MAPKAPK5: variants seen among roughly 807,000 people sequenced by gnomAD.
MAPKAPK5 encodes MAP kinase-activated protein kinase 5.
Under a neutral mutation model 65.1 loss-of-function variants are expected in MAPKAPK5, and 30 were observed. The observed-to-expected ratio is 0.46, with a 90% confidence interval of 0.34 to 0.63. The LOEUF (loss-of-function observed/expected upper bound fraction) is 0.63, where lower values mean the gene tolerates loss of function less well. Ranked by LOEUF, MAPKAPK5 falls within the 20% of genes least tolerant of loss-of-function variation. The pLI, the probability that MAPKAPK5 is intolerant of heterozygous loss-of-function variation, is 0.01. For synonymous variants in MAPKAPK5, 179 were observed against 204.6 expected, an observed-to-expected ratio of 0.87 and a Z score of 1.07; for missense variants, 433 against 581.4, an observed-to-expected ratio of 0.74 and a Z score of 2.63.
chr12:111,867,393 G>C (rs1315650305), intron 3 of MAPKAPK5, among the ~76,000 whole-genome samples, 179 bp from the exon 4 acceptor site: 2 of 152,184 alleles, frequency 1.3e-5, no homozygotes, highest in Non-Finnish European at 2.9e-5. Flanking sequence ...AAATCTGTTG[G>C]TGAGTTTTTA....
At chr12:111,855,454 A>G (rs1349249085) in intron 1 of MAPKAPK5, among the ~76,000 whole-genome samples, 1 of 151,978 alleles carries the variant, frequency 6.6e-6, no homozygotes, top group Non-Finnish European at 1.5e-5. Flanking sequence ...TTTTTGGCAA[A>G]TTGTGTTTGC....
In MAPKAPK5 at chr12:111,888,872, C is replaced by T. The variant is rs559408424; in HGVS notation, c.1101-13C>T. Reference sequence around the variant, plus strand: ...TCTCACGTTGTCATTACCCCTCCCTCAAACTCTTAAAGCACCAAGCCAAAG... The same window carrying T: ...TCTCACGTTGTCATTACCCCTCCCTTAAACTCTTAAAGCACCAAGCCAAAG... On this transcript the variant is annotated splice_polypyrimidine_tract_variant and intron_variant, in intron 11 of 13. Transcript: ENST00000550735. The T allele has an allele frequency of 6.2e-7, 1 of 1,612,882 alleles. No individual in the cohort carries two copies. The highest frequency in any genetic ancestry group is 8.5e-7 in the Non-Finnish European group (1 of 1,179,078).
intron 1 of MAPKAPK5, among the ~76,000 whole-genome samples, chr12:111,847,680 C>T (rs1018498179): frequency 6.6e-6 from 1 of 152,126 alleles, no homozygotes; most frequent in Non-Finnish European, 1.5e-5. Flanking sequence ...TGTAAATGTT[C>T]AGTAATTTTT....
chr12:111,854,135 A>G (rs1316714885), intron 1 of MAPKAPK5, among the ~76,000 whole-genome samples: 2 of 152,096 alleles, frequency 1.3e-5, no homozygotes, highest in African/African-American at 2.4e-5. Context: ...GAGTTTTGGT[A>G]TGAATGTAAT....
chr12:111,892,553 T>A (rs1027726780), intron 13 of MAPKAPK5, among the ~76,000 whole-genome samples: 2 of 152,244 alleles, frequency 1.3e-5, no homozygotes, highest in Non-Finnish European at 1.5e-5. Context: ...CGTACTGATA[T>A]ACATTTTAAA....
chr12:111,870,086 G>T (rs992881908), intron 5 of MAPKAPK5, among the ~76,000 whole-genome samples, 185 bp from the exon 6 acceptor site: 3 of 152,184 alleles, frequency 2.0e-5, no homozygotes, highest in African/African-American at 7.2e-5. Flanking sequence ...ACAAGTTGCA[G>T]TTAAACTAAG....
intron 3 of MAPKAPK5, 54 bp downstream of exon 3, chr12:111,866,285 CT>C (rs1263855913): frequency 2.7e-6 from 4 of 1,497,916 alleles, no homozygotes; most frequent in Non-Finnish European, 3.6e-6. Flanking sequence ...AAGAATTGTT[CT>C]TTTGCAAGTA....
Position 111,867,681 on chromosome 12 carries a change from C to A in MAPKAPK5, c.284+12C>A. 1 of 1,596,292 alleles carries A rather than the reference C, an allele frequency of 6.3e-7. No homozygotes were observed. Among genetic ancestry groups the A allele is most frequent in the Non-Finnish European group, 8.6e-7 (1 of 1,164,046 alleles). On this transcript the variant is annotated intron_variant, in intron 4 of 13. Coordinates refer to ENST00000550735, the MANE Select transcript of MAPKAPK5 (RefSeq NM_003668.4). ...GAGTCCAGCCCTAGGTAAGACTACA[C>A]AGTGTCATCATCAAATGCCCACATG...
At position 111,843,679 on chromosome 12, in the gene MAPKAPK5, A is replaced by C. The variant is rs537864382; in HGVS notation, c.36+910A>C. Among the ~76,000 whole-genome samples, 7 of 152,374 alleles carry C rather than the reference A, an allele frequency of 4.6e-5. No individual in the cohort carries two copies. The East Asian group carries it at 1.3e-3, about 29-fold the overall frequency. ...TCAAGACAGTTACTAGTAATGATTA[A>C]GAATTTACATTTCTACCAATTCTTT... On this transcript the variant is annotated intron_variant, in intron 1 of 13. Transcript: ENST00000550735.
At chr12:111,851,023 C>T (rs60661425) in intron 1 of MAPKAPK5, among the ~76,000 whole-genome samples, 29,650 of 151,604 alleles carry the variant, frequency 0.2, 3,116 homozygotes, top group Middle Eastern at 0.27. Flanking sequence ...CTCAGCCTCC[C>T]GAGTAGCTGG....
intron 7 of MAPKAPK5, among the ~76,000 whole-genome samples, chr12:111,872,166 T>A (rs563671885): frequency 6.6e-6 from 1 of 152,220 alleles, no homozygotes; most frequent in Admixed American, 6.5e-5. Flanking sequence ...TTGGGGGACA[T>A]GTTCCCCCAT....
In MAPKAPK5 at chr12:111,881,982, G is replaced by A. The variant is rs139340467; in HGVS notation, c.660+1455G>A. ...CTCTGCAGTATTAGTTCCCTTTCTG[G>A]AAAGTGAGGGATTGAAGGTCCCTTT... On this transcript the variant is annotated intron_variant, in intron 8 of 13. Transcript: ENST00000550735. Among the ~76,000 whole-genome samples, 850 of 152,284 alleles carry A rather than the reference G, an allele frequency of 5.6e-3. 10 individuals are homozygous for A. The highest frequency in any genetic ancestry group is 0.028 in the South Asian group (134 of 4,824).
At chr12:111,851,925 G>A (rs1471214068) in intron 1 of MAPKAPK5, among the ~76,000 whole-genome samples, 1 of 152,182 alleles carries the variant, frequency 6.6e-6, no homozygotes, top group East Asian at 1.9e-4. Flanking sequence ...ACAGATCTTG[G>A]AGAAATTCAA....
At position 111,874,161 on chromosome 12, in the gene MAPKAPK5, G is replaced by A. The variant is rs557861904; in HGVS notation, c.579+2981G>A. ...TGTTATACCAGCACTTTGGGAGGCT[G>A]AGGCAGGCGGATCACCTGAGGTCGG... On this transcript the variant is annotated intron_variant, in intron 7 of 13. Coordinates refer to ENST00000550735, the MANE Select transcript of MAPKAPK5 (RefSeq NM_003668.4). Among the ~76,000 whole-genome samples, 4 of 152,210 alleles carry A rather than the reference G, an allele frequency of 2.6e-5. No homozygotes were observed. In the East Asian group the frequency reaches 5.8e-4, roughly 22 times the overall value.
chr12:111,885,830 GA>G (rs2136147184), intron 9 of MAPKAPK5, 85 bp from the exon 10 acceptor site: 1 of 1,567,460 alleles, frequency 6.4e-7, no homozygotes, highest in East Asian at 2.3e-5. Context: ...GAAGTAACCA[GA>G]ACTGTTTAGA....
intron 1 of MAPKAPK5, 138 bp downstream of exon 1, chr12:111,842,907 C>T: frequency 1.2e-6 from 1 of 835,190 alleles, no homozygotes; most frequent in Non-Finnish European, 1.6e-6. Context: ...TTCCGTGGAT[C>T]GCGCTTTACA....
At position 111,896,541 on chromosome 12, in the gene MAPKAPK5, T is replaced by C. The variant is rs962448257; in HGVS notation, c.*3480T>C. The C allele has an allele frequency of 1.3e-5, 2 of 152,210 alleles. No homozygotes were observed. The highest frequency in any genetic ancestry group is 4.8e-5 in the African/African-American group (2 of 41,446). 9.4% of individuals were successfully genotyped at this position (152,210 alleles called of 1,614,324 possible). The stretch of plus-strand genomic sequence containing the variant: ...AACTGTCAGGTTTGCTACTCGAAAT[T>C]TGCACATAACTGGAAGTGAAACGAT... On this transcript the variant is annotated 3_prime_UTR_variant, in exon 14 of 14. Coordinates refer to ENST00000550735, the MANE Select transcript of MAPKAPK5 (RefSeq NM_003668.4).
At chr12:111,880,140 A>G in intron 7 of MAPKAPK5, 1 of 377,374 alleles carries the variant, frequency 2.6e-6, no homozygotes, top group South Asian at 2.6e-5. Context: ...GCTTTCGCAT[A>G]GGCATAAGGG....
Position 111,901,216 on chromosome 12 carries a change from C to T in MAPKAPK5, c.*8155C>T. Reference sequence around the variant, plus strand: ...GCACCAAACAAAGTCTGCCTGAATTCCGCCTGCACAGATAAAACCCCAGTG... The same window carrying T: ...GCACCAAACAAAGTCTGCCTGAATTTCGCCTGCACAGATAAAACCCCAGTG... On this transcript the variant is annotated 3_prime_UTR_variant, in exon 14 of 14. Transcript: ENST00000550735. 2.2e-6 allele frequency: 1 copy of T among 456,048 alleles called. No homozygotes were observed. The highest frequency in any genetic ancestry group is 4.4e-6 in the Non-Finnish European group (1 of 226,794). The allele number at this position is 456,048 out of a possible 1,614,324, so 28.3% of individuals were successfully genotyped here.
Sources: gnomAD v4.1 joint callset for allele counts (sites outside exome capture counted in the v4.1 genomes callset) on GRCh38, gnomAD v4.1.1 for gene constraint, MANE v1.5 for transcripts, NCBI Gene and HGNC (gene_info 2026-07-23, HGNC 2026-07-21) for gene names.